Variants in MGAT4C observed in about 807,000 individuals in gnomAD.
MGAT4C encodes the protein MGAT4 family member C, also known as alpha-1,3-mannosyl-glycoprotein 4-beta-N-acetylglucosaminyltransferase C.
In MGAT4C, 19 loss-of-function variants were observed where a neutral mutation model predicts 40.1. The observed-to-expected ratio is 0.47, with a 90% CI of 0.33 to 0.70. The LOEUF is 0.70. MGAT4C is among the 30% of genes least tolerant of loss of function. The pLI, the probability that MGAT4C is intolerant of heterozygous loss-of-function variation, is 0.02. For missense variants in MGAT4C, 491 were observed against 563.2 expected, an observed-to-expected ratio of 0.87 and a Z score of 1.30; for synonymous variants, 181 against 187.1, an observed-to-expected ratio of 0.97 and a Z score of 0.27.
At chr12:86,599,918 T>TG (rs928879805) in intron 2 of MGAT4C, among the ~76,000 whole-genome samples, 3 of 152,186 alleles carry the variant, frequency 2.0e-5, no homozygotes, top group South Asian at 4.1e-4. Context: ...CAGTGGTTTT[T>TG]TTTTGTTTTG....
intron 1 of MGAT4C, among the ~76,000 whole-genome samples, chr12:86,812,763 C>A (rs1196845707): frequency 6.6e-6 from 1 of 152,082 alleles, no homozygotes; most frequent in Non-Finnish European, 1.5e-5. Flanking sequence ...CTAAGAACGA[C>A]TCTTGAGACT....
At chr12:86,001,022 G>T (rs537623708) in intron 2 of MGAT4C, among the ~76,000 whole-genome samples, 1 of 152,044 alleles carries the variant, frequency 6.6e-6, no homozygotes, top group African/African-American at 2.4e-5. Flanking sequence ...AATTTCAATG[G>T]CTCATAATTT....
rs1040094288 is a variant in MGAT4C at position 86,399,038 on chromosome 12, C to A, written c.-120+36119G>T. 2.0e-5 allele frequency among the ~76,000 whole-genome samples: 3 copies of A among 152,168 alleles called. No homozygotes were observed. In the East Asian group the frequency reaches 5.8e-4, roughly 29 times the overall value. On this transcript the variant is annotated intron_variant, in intron 3 of 7. Transcript: ENST00000548651. The stretch of plus-strand genomic sequence containing the variant: ...CAGGCTGAAGTGCAGTGGCGCCATC[C>A]TGACTCACTGCAACCTCCACTTCCC...
intron 2 of MGAT4C, among the ~76,000 whole-genome samples, chr12:86,509,174 T>G (rs1440584540): frequency 6.6e-6 from 1 of 152,166 alleles, no homozygotes; most frequent in Non-Finnish European, 1.5e-5. Flanking sequence ...GGTTTTCTTC[T>G]AGGGTTTTTA....
intron 2 of MGAT4C, among the ~76,000 whole-genome samples, chr12:86,715,036 T>C (rs867346385): frequency 6.6e-6 from 1 of 152,110 alleles, no homozygotes; most frequent in Non-Finnish European, 1.5e-5. Flanking sequence ...CCATGTCACA[T>C]GGAAACTTAT....
At chr12:86,646,099 G>T (rs1249710123) in intron 2 of MGAT4C, among the ~76,000 whole-genome samples, 6 of 151,726 alleles carry the variant, frequency 4.0e-5, no homozygotes, top group Admixed American at 2.0e-4. Flanking sequence ...AGATTTGTCT[G>T]TAAAATAATT....
At chr12:86,684,121 A>C (rs534782200) in intron 2 of MGAT4C, among the ~76,000 whole-genome samples, 1 of 152,212 alleles carries the variant, frequency 6.6e-6, no homozygotes, top group South Asian at 2.1e-4. Flanking sequence ...CACGCCTGTA[A>C]CCCCAGCACT....
intron 1 of MGAT4C, among the ~76,000 whole-genome samples, chr12:86,745,669 A>ATT (rs1951142196): frequency 6.6e-6 from 1 of 151,684 alleles, no homozygotes; most frequent in South Asian, 2.1e-4. Context: ...CATAATAATC[A>ATT]TGTTTTGATT....
At chr12:86,233,495 G>C (rs2136021584) in intron 1 of MGAT4C, among the ~76,000 whole-genome samples, 1 of 152,298 alleles carries the variant, frequency 6.6e-6, no homozygotes, top group South Asian at 2.1e-4. Context: ...TAGAAACTTT[G>C]ATTCCTCTGA....
chr12:86,585,728 T>TTTA (rs1565866238), intron 2 of MGAT4C, among the ~76,000 whole-genome samples: 1 of 149,706 alleles, frequency 6.7e-6, no homozygotes, highest in Non-Finnish European at 1.5e-5. Context: ...ATGTTTTATT[T>TTTA]TTTTTAATTT....
At chr12:86,809,561 A>T (rs12304749) in intron 1 of MGAT4C, among the ~76,000 whole-genome samples, 25,220 of 151,732 alleles carry the variant, frequency 0.17, 2,202 homozygotes, top group Middle Eastern at 0.3. Context: ...CTATTTTTTA[A>T]AAAAAAATTT....
At chr12:86,561,375 T>C (rs909396922) in intron 2 of MGAT4C, among the ~76,000 whole-genome samples, 37 of 152,136 alleles carry the variant, frequency 2.4e-4, no homozygotes, top group Non-Finnish European at 4.9e-4. Flanking sequence ...GTCAGTGAAC[T>C]GAGAGAGGCA....
At chr12:86,164,067 T>C (rs572433420) in intron 1 of MGAT4C, among the ~76,000 whole-genome samples, 12 of 152,200 alleles carry the variant, frequency 7.9e-5, no homozygotes, top group African/African-American at 2.4e-4. Context: ...GGAAGAAGGG[T>C]TTTATAGACA....
chr12:86,157,225 T>G (rs1885058476), intron 1 of MGAT4C, among the ~76,000 whole-genome samples: 1 of 152,212 alleles, frequency 6.6e-6, no homozygotes, highest in African/African-American at 2.4e-5. Context: ...AGTAGATGAT[T>G]ACATTTTCCT....
At chr12:86,642,403 A>C (rs1405762699) in intron 2 of MGAT4C, among the ~76,000 whole-genome samples, 1 of 151,878 alleles carries the variant, frequency 6.6e-6, no homozygotes, top group African/African-American at 2.4e-5. Context: ...TGAACAAGTT[A>C]GGAGAATTCA....
At position 86,377,182 on chromosome 12, in the gene MGAT4C, T is replaced by TCTGAGTAGCTGGGATTACAGGCATTCGC. The variant is rs528795176; in HGVS notation, c.-119-43083_-119-43056dup. The stretch of plus-strand genomic sequence containing the variant: ...TTTAAGCGATTCTCCTGCCTCAGAC[T>TCTGAGTAGCTGGGATTACAGGCATTCGC]CTGAGTAGCTGGGATTACAGGCATT... On this transcript the variant is annotated intron_variant, in intron 3 of 7. Transcript: ENST00000548651. Among the ~76,000 whole-genome samples, 443 of 151,278 alleles carry TCTGAGTAGCTGGGATTACAGGCATTCGC rather than the reference T, an allele frequency of 2.9e-3. 2 individuals carry two copies. The highest frequency in any genetic ancestry group is 0.01 in the African/African-American group (422 of 41,296).
intron 4 of MGAT4C, among the ~76,000 whole-genome samples, chr12:86,323,894 C>A (rs1470647409): frequency 6.6e-6 from 1 of 151,754 alleles, no homozygotes; most frequent in African/African-American, 2.4e-5. Flanking sequence ...TTCTTCTATT[C>A]CCATGAATTA....
chr12:86,579,467 G>T (rs554155331), intron 2 of MGAT4C, among the ~76,000 whole-genome samples: 13 of 151,608 alleles, frequency 8.6e-5, no homozygotes, highest in African/African-American at 2.9e-4. Flanking sequence ...AGTTAAAAAT[G>T]CTTTTTAACT....
chr12:86,433,878 T>C (rs1957091147), intron 3 of MGAT4C, among the ~76,000 whole-genome samples: 1 of 152,064 alleles, frequency 6.6e-6, no homozygotes, highest in Non-Finnish European at 1.5e-5. Context: ...TTTTTAAGCA[T>C]ATATGTTAAA....
Sources: allele counts gnomAD v4.1 joint callset (sites outside exome capture counted in the v4.1 genomes callset), GRCh38; gene constraint gnomAD v4.1.1; transcripts MANE v1.5; gene names NCBI Gene and HGNC (gene_info 2026-07-23, HGNC 2026-07-21).